RBFOX3: variants seen among roughly 807,000 people sequenced by gnomAD.
RBFOX3 encodes RNA binding fox-1 homolog 3.
A neutral mutation model predicts 48.7 loss-of-function variants in RBFOX3; 17 were observed. That is an observed-to-expected ratio of 0.35 (90% CI 0.24 to 0.52). The LOEUF (loss-of-function observed/expected upper bound fraction) is 0.52, where lower values mean the gene tolerates loss of function less well. Ranked by LOEUF, RBFOX3 falls within the 20% of genes least tolerant of loss-of-function variation. RBFOX3 has a pLI of 0.94. For missense variants in RBFOX3, 382 were observed against 497.5 expected (o/e 0.77, Z 2.21); for synonymous variants, 212 against 209.5 (o/e 1.01, Z -0.10).
intron 1 of RBFOX3, among the ~76,000 whole-genome samples, chr17:79,497,661 C>T (rs1477869448): frequency 6.6e-6 from 1 of 152,196 alleles, no homozygotes; most frequent in African/African-American, 2.4e-5. Context: ...TCCCAGCCCC[C>T]CAGCTGGCTG....
chr17:79,260,757 G>T (rs1178112840), intron 3 of RBFOX3, among the ~76,000 whole-genome samples: 1 of 152,184 alleles, frequency 6.6e-6, no homozygotes, highest in African/African-American at 2.4e-5. Flanking sequence ...CAAGGAAGAC[G>T]CTGTAAAGTG....
chr17:79,165,042 T>C (rs114870024), intron 4 of RBFOX3, among the ~76,000 whole-genome samples: 1,740 of 151,770 alleles, frequency 0.011, 36 homozygotes, highest in African/African-American at 0.04. Flanking sequence ...GCCTCTGACA[T>C]GGCCCCTGAA....
At chr17:79,598,175 C>T (rs1352484518) in intron 1 of RBFOX3, 1 of 152,298 alleles carries the variant, frequency 6.6e-6, no homozygotes, top group East Asian at 1.9e-4. Flanking sequence ...AGGAGCGCTG[C>T]CTGCTGGAGG....
chr17:79,589,623 T>C (rs1247339258), intron 1 of RBFOX3, among the ~76,000 whole-genome samples: 1 of 152,106 alleles, frequency 6.6e-6, no homozygotes, highest in Non-Finnish European at 1.5e-5. Flanking sequence ...CTCCTGGAGC[T>C]TCCCTGGGAC....
At chr17:79,552,090 A>G (rs2091211166) in intron 1 of RBFOX3, among the ~76,000 whole-genome samples, 1 of 152,200 alleles carries the variant, frequency 6.6e-6, no homozygotes, top group East Asian at 1.9e-4. Flanking sequence ...TTTGAACAAT[A>G]AGAGTTTTGG....
At chr17:79,646,960 A>T in the RBFOX3 span, among the ~76,000 whole-genome samples, 1 of 152,158 alleles carries the variant, frequency 6.6e-6, no homozygotes, top group African/African-American at 2.4e-5. Flanking sequence ...CCAGTGTACA[A>T]CTACAGCATC....
At chr17:79,155,099 C>T (rs1193062315) in intron 4 of RBFOX3, among the ~76,000 whole-genome samples, 4 of 152,226 alleles carry the variant, frequency 2.6e-5, no homozygotes, top group Non-Finnish European at 5.9e-5. Flanking sequence ...CTCGGCCCAG[C>T]GGTTCCCGGG....
At chr17:79,335,681 C>T (rs749971250) in intron 2 of RBFOX3, among the ~76,000 whole-genome samples, 8 of 152,196 alleles carry the variant, frequency 5.3e-5, no homozygotes, top group African/African-American at 9.6e-5. Context: ...TCTACAACCA[C>T]GCTGGGTCTG....
In RBFOX3 at chr17:79,419,813, A is replaced by G. The variant is rs2065945861; in HGVS notation, c.-175+62641T>C. 2.0e-5 allele frequency among the ~76,000 whole-genome samples: 3 copies of G among 152,184 alleles called. No homozygotes were observed. The South Asian group carries it at 6.2e-4, about 32-fold the overall frequency. Reference sequence around the variant, plus strand: ...GTGTCTTGGCATCCTCTCCAAGAGCAGACTTATGAATGCTGTAAGATGGTT... The same window carrying G: ...GTGTCTTGGCATCCTCTCCAAGAGCGGACTTATGAATGCTGTAAGATGGTT... On this transcript the variant is annotated intron_variant, in intron 2 of 14. Transcript: ENST00000693108.
intron 1 of RBFOX3, among the ~76,000 whole-genome samples, chr17:79,511,986 C>G (rs1393985768): frequency 2.0e-5 from 3 of 146,746 alleles, no homozygotes; most frequent in Non-Finnish European, 4.5e-5. Flanking sequence ...TACATGTTAC[C>G]ATCGGGTACA....
intron 2 of RBFOX3, among the ~76,000 whole-genome samples, chr17:79,380,517 A>G (rs1261393456): frequency 1.3e-5 from 2 of 152,248 alleles, no homozygotes; most frequent in East Asian, 1.9e-4. Context: ...GTCTGCCCAG[A>G]GCCTCCTTGG....
intron 2 of RBFOX3, among the ~76,000 whole-genome samples, chr17:79,386,271 A>G (rs532772837): frequency 6.6e-6 from 1 of 151,206 alleles, no homozygotes; most frequent in African/African-American, 2.4e-5. Flanking sequence ...CGGGGGCTCC[A>G]TCACCTCCCA....
rs180784718 is a variant in RBFOX3, at chr17:79,383,378, G to A, written c.-174-75554C>T. 1.8e-4 allele frequency among the ~76,000 whole-genome samples: 28 copies of A among 152,362 alleles called. No homozygotes were observed. The East Asian group carries it at 3.9e-3, about 21-fold the overall frequency. The stretch of plus-strand genomic sequence containing the variant: ...AGGCACCCTCCACCACCCCACGGCC[G>A]CGGCGGTGCACCAGTAAAAGTAGTT... On this transcript the variant is annotated intron_variant, in intron 2 of 14. Coordinates refer to ENST00000693108, the MANE Select transcript of RBFOX3 (RefSeq NM_001350451.2).
At chr17:79,620,670 C>T in the RBFOX3 span, among the ~76,000 whole-genome samples, 23 of 137,282 alleles carry the variant, frequency 1.7e-4, no homozygotes, top group Non-Finnish European at 2.9e-4. Flanking sequence ...CACGCACATG[C>T]ACACACGCAC....
chr17:79,574,903 G>C (rs2092806149), intron 1 of RBFOX3, among the ~76,000 whole-genome samples: 1 of 152,202 alleles, frequency 6.6e-6, no homozygotes. Flanking sequence ...TTGAAGGGCA[G>C]GTTCTGAGTC....
chr17:79,094,552 G>T, intron 13 of RBFOX3, 23 bp from the exon 14 acceptor site: 5 of 754,786 alleles, frequency 6.6e-6, no homozygotes, highest in South Asian at 2.0e-5. Context: ...GTGGGAGGGG[G>T]AGTGGGAGGA....
chr17:79,575,025 A>C (rs1260709434), intron 1 of RBFOX3, among the ~76,000 whole-genome samples: 1 of 152,252 alleles, frequency 6.6e-6, no homozygotes, highest in African/African-American at 2.4e-5. Flanking sequence ...CTTTGAGTGC[A>C]TACTGGAACC....
chr17:79,307,258 C>T (rs1007367448), intron 3 of RBFOX3, among the ~76,000 whole-genome samples: 1 of 152,230 alleles, frequency 6.6e-6, no homozygotes, highest in Non-Finnish European at 1.5e-5. Flanking sequence ...ACGAGCTCCA[C>T]CGGGAGATCT....
At chr17:79,383,627 C>G (rs754271881) in intron 2 of RBFOX3, among the ~76,000 whole-genome samples, 30 of 152,284 alleles carry the variant, frequency 2.0e-4, no homozygotes, top group South Asian at 1.0e-3. Context: ...GCATGGGACA[C>G]CTGAGGGGTT....
Sources: gnomAD v4.1 joint callset for allele counts (sites outside exome capture counted in the v4.1 genomes callset) on GRCh38, gnomAD v4.1.1 for gene constraint, MANE v1.5 for transcripts, NCBI Gene and HGNC (gene_info 2026-07-23, HGNC 2026-07-21) for gene names.